The following MEGF6 variants were observed in gnomAD, a reference collection of about 807,000 sequenced individuals.
The protein encoded by MEGF6 is multiple epidermal growth factor-like domains protein 6.
In MEGF6, 184 loss-of-function variants were observed where a neutral mutation model predicts 207.1. The ratio of observed to expected loss-of-function variants is 0.89; its 90% CI spans 0.79 to 1.00. The LOEUF (loss-of-function observed/expected upper bound fraction) is 1.00. MEGF6 is among the 50% of genes least tolerant of loss of function. MEGF6 has a pLI of 0.00. For synonymous variants in MEGF6, 1,038 were observed against 910.0 expected (o/e 1.14, Z -2.53); for missense variants, 2,282 against 2,202.9 (o/e 1.04, Z -0.72).
At chr1:3,526,163 C>T (rs1641954116) in intron 4 of MEGF6, among the ~76,000 whole-genome samples, 1 of 152,188 alleles carries the variant, frequency 6.6e-6, no homozygotes, top group Non-Finnish European at 1.5e-5. Flanking sequence ...GAGGACTCTC[C>T]TAGGGGTCCG....
chr1:3,599,440 A>G (rs183817767), intron 2 of MEGF6, among the ~76,000 whole-genome samples: 75 of 152,322 alleles, frequency 4.9e-4, no homozygotes, highest in Admixed American at 4.9e-3. Flanking sequence ...GAGAATTACC[A>G]GTGGAAAAGA....
At position 3,505,267 on chromosome 1, in the gene MEGF6, A is replaced by G; in HGVS notation, c.2129T>C (p.Val710Ala). 16 of 1,612,542 alleles carry G rather than the reference A, an allele frequency of 9.9e-6. No homozygotes were observed. The highest frequency in any genetic ancestry group is 1.4e-5 in the Non-Finnish European group (16 of 1,179,862). The change falls in exon 17 of 37, where the codon GTG (valine) becomes GCG (alanine). Residue 710 changes from valine to alanine, a missense_variant. Transcript: ENST00000356575. The stretch of plus-strand genomic sequence containing the variant: ...ACACCGCTTCCCACACTCGCCGCTC[A>G]CGGAGTCACAGGCCACGCCCACTGG... ...TCPVGVACDS[V>A]SGECGKRCPA...
rs776401705 is a variant in MEGF6, at chr1:3,501,090, G to A, written c.2451C>T (p.Cys817=). 3.7e-6 allele frequency: 6 copies of A among 1,612,710 alleles called. No individual in the cohort carries two copies. The highest frequency in any genetic ancestry group is 5.1e-6 in the Non-Finnish European group (6 of 1,179,902). The stretch of plus-strand genomic sequence containing the variant: ...AGCTGGGACCATACCAGCCTGCTGG[G>A]CACACTACAGGCAGGCGAGAGAGGG... ...GFVGSRCQDV[C]PAGWYGPSCQ... is the part of the protein sequence containing the mutation. The change falls in exon 20 of 37, where the codon TGC becomes TGT. Residue 817 remains cysteine (C), a synonymous_variant. Coordinates refer to ENST00000356575, the MANE Select transcript of MEGF6 (RefSeq NM_001409.4).
Position 3,497,283 on chromosome 1 carries a change from G to A in MEGF6, c.3431C>T (p.Thr1144Ile). Residue 1144 changes from threonine (T) to isoleucine (I), a missense_variant, in exon 27 of 37, where the codon ACT becomes ATT. Coordinates refer to ENST00000356575, the MANE Select transcript of MEGF6 (RefSeq NM_001409.4). ...GCCAGGGGGACAGCGGCAGGCCCCA[G>A]TGACGTGGTGGCAGGCAGCGCCAGG... ...CPPGAACHHV[T>I]GACRCPPGFT... is the part of the protein sequence containing the mutation. 7 of 1,551,290 alleles carry A rather than the reference G, an allele frequency of 4.5e-6. No individual in the cohort carries two copies. The highest frequency in any genetic ancestry group is 6.1e-6 in the Non-Finnish European group (7 of 1,151,140).
chr1:3,531,425 C>A, intron 4 of MEGF6: 1 of 1,126,970 alleles, frequency 8.9e-7, no homozygotes, highest in Non-Finnish European at 1.1e-6. Context: ...CCGGGCGCGC[C>A]CCGCCCCTCG....
In MEGF6 at chr1:3,504,865, G is replaced by A. The variant is rs1280351174; in HGVS notation, c.2188+343C>T. Reference sequence around the variant, plus strand: ...ATGTGAGGAGGGAGCTGCTGCCCCGGCCTCTGAGAGAAGCCCAGTCTGTTC... The same window carrying A: ...ATGTGAGGAGGGAGCTGCTGCCCCGACCTCTGAGAGAAGCCCAGTCTGTTC... On this transcript the variant is annotated intron_variant, in intron 17 of 36. Coordinates refer to ENST00000356575, the MANE Select transcript of MEGF6 (RefSeq NM_001409.4). 3.3e-5 allele frequency among the ~76,000 whole-genome samples: 5 copies of A among 152,158 alleles called. No homozygotes were observed. The East Asian group carries it at 9.7e-4, about 29-fold the overall frequency.
At chr1:3,533,012 G>A (rs147115708) in intron 4 of MEGF6, among the ~76,000 whole-genome samples, 44 of 152,290 alleles carry the variant, frequency 2.9e-4, no homozygotes, top group African/African-American at 1.0e-3. Flanking sequence ...GGAAGCAGGC[G>A]GCCCATCCCG....
At chr1:3,526,742 G>A (rs747090005) in intron 4 of MEGF6, among the ~76,000 whole-genome samples, 1 of 152,214 alleles carries the variant, frequency 6.6e-6, no homozygotes, top group Middle Eastern at 3.4e-3. Context: ...CCCTGCAGCC[G>A]GGTTCACAGA....
chr1:3,515,263 C>G, intron 6 of MEGF6, 139 bp downstream of exon 6: 1 of 1,051,820 alleles, frequency 9.5e-7, no homozygotes, highest in Non-Finnish European at 1.4e-6. Flanking sequence ...AGCTTCCTGG[C>G]CCCAAATGTG....
At chr1:3,541,411 G>A (rs1416467825) in intron 4 of MEGF6, among the ~76,000 whole-genome samples, 1 of 152,252 alleles carries the variant, frequency 6.6e-6, no homozygotes, top group Non-Finnish European at 1.5e-5. Flanking sequence ...TCTCCTGGGT[G>A]GAGGCCCTGC....
chr1:3,609,547 G>A (rs1027323086), intron 1 of MEGF6, among the ~76,000 whole-genome samples: 6 of 152,228 alleles, frequency 3.9e-5, no homozygotes, highest in East Asian at 3.8e-4. Context: ...CGCAGCCACC[G>A]CCACTTACTG....
At chr1:3,598,038 GAGT>G (rs1644096778) in intron 2 of MEGF6, among the ~76,000 whole-genome samples, 1 of 152,202 alleles carries the variant, frequency 6.6e-6, no homozygotes, top group East Asian at 1.9e-4. Flanking sequence ...GAAATCGAAG[GAGT>G]AGAAGATGCG....
chr1:3,490,380 G>A lies in MEGF6; in HGVS notation c.*148C>T. The A allele has an allele frequency of 1.2e-6, 1 of 838,962 alleles. No individual in the cohort carries two copies. The highest frequency in any genetic ancestry group is 1.9e-6 in the Non-Finnish European group (1 of 539,294). 52.0% of individuals were successfully genotyped at this position (838,962 alleles called of 1,614,324 possible). Reference sequence around the variant, plus strand: ...CACCAGCCTCCAAGAGCGACAGGTTGCTGGGCTGTCCACAGCCCTCCACGG... The same window carrying A: ...CACCAGCCTCCAAGAGCGACAGGTTACTGGGCTGTCCACAGCCCTCCACGG... On this transcript the variant is annotated 3_prime_UTR_variant, in exon 37 of 37. Coordinates refer to ENST00000356575, the MANE Select transcript of MEGF6 (RefSeq NM_001409.4).
intron 4 of MEGF6, among the ~76,000 whole-genome samples, chr1:3,557,525 C>A (rs550691943): frequency 6.6e-6 from 1 of 152,214 alleles, no homozygotes; most frequent in Non-Finnish European, 1.5e-5. Flanking sequence ...GTTATCTCTG[C>A]GCCTGCAGCT....
intron 32 of MEGF6, 55 bp downstream of exon 32, chr1:3,494,316 G>A: frequency 6.6e-7 from 1 of 1,513,192 alleles, no homozygotes; most frequent in East Asian, 2.5e-5. Flanking sequence ...CACACGGGAG[G>A]AGTGGACAGT....
intron 15 of MEGF6, among the ~76,000 whole-genome samples, chr1:3,505,866 G>C (rs1322807708): frequency 6.6e-6 from 1 of 152,198 alleles, no homozygotes; most frequent in African/African-American, 2.4e-5. Context: ...ACCCATCAAG[G>C]CTGGGAGGCA....
chr1:3,507,349 A>G (rs79583681), intron 14 of MEGF6, among the ~76,000 whole-genome samples: 11,539 of 152,248 alleles, frequency 0.076, 491 homozygotes, highest in African/African-American at 0.12. Flanking sequence ...TCCTCCAGAA[A>G]GGCTGAAACT....
In MEGF6 at chr1:3,507,828, G is replaced by C. The variant is rs1157998682; in HGVS notation, c.1756C>G (p.Pro586Ala). 5 of 1,612,848 alleles carry C rather than the reference G, an allele frequency of 3.1e-6. No individual in the cohort carries two copies. Among genetic ancestry groups the C allele is most frequent in the Non-Finnish European group, 4.2e-6 (5 of 1,179,948 alleles). The change falls in exon 14 of 37, where the codon CCC becomes GCC. Residue 586 changes from proline to alanine, a missense_variant. Pro to Ala is a conservative substitution (Grantham distance 27). Transcript: ENST00000356575. ...CAGTTAGTTCCACTGACACCCGGGG[G>C]GCAGCGGCAGGCCCCCGTGACAGAG... ...CDSVTGACRC[P>A]PGVSGTNCED...
At chr1:3,593,932 G>A (rs1306952013) in intron 3 of MEGF6, among the ~76,000 whole-genome samples, 2 of 152,156 alleles carry the variant, frequency 1.3e-5, no homozygotes, top group African/African-American at 4.8e-5. Context: ...GGAAAAACAT[G>A]GCCATCATCC....
Sources: allele counts gnomAD v4.1 joint callset (sites outside exome capture counted in the v4.1 genomes callset), GRCh38; gene constraint gnomAD v4.1.1; transcripts MANE v1.5; gene names NCBI Gene and HGNC (gene_info 2026-07-23, HGNC 2026-07-21).